Variants in CSGALNACT1 observed in about 807,000 individuals in gnomAD.
The protein encoded by CSGALNACT1 is chondroitin sulfate N-acetylgalactosaminyltransferase 1.
In CSGALNACT1, 52 loss-of-function variants were observed where a neutral mutation model predicts 51.0. The ratio of observed to expected loss-of-function variants is 1.02; its 90% CI spans 0.82 to 1.29. The LOEUF (loss-of-function observed/expected upper bound fraction) is 1.29, where lower values mean the gene tolerates loss of function less well. Among genes scored for constraint, CSGALNACT1 ranks in the 50% most tolerant of loss-of-function variants. The pLI, the probability that CSGALNACT1 is intolerant of heterozygous loss-of-function variation, is 0.00. For missense variants in CSGALNACT1, 935 were observed against 679.2 expected, an observed-to-expected ratio of 1.38 and a Z score of -4.19; for synonymous variants, 341 against 254.4, an observed-to-expected ratio of 1.34 and a Z score of -3.24.
At position 19,501,874 on chromosome 8, in the gene CSGALNACT1, A is replaced by T. The variant is rs541687709; in HGVS notation, c.634+3327T>A. Reference sequence around the variant, plus strand: ...ACAGTGAAGCACAGGATTTGATTCCATCTCTACTCTCACTTCTCTTCCCAG... The same window carrying T: ...ACAGTGAAGCACAGGATTTGATTCCTTCTCTACTCTCACTTCTCTTCCCAG... On this transcript the variant is annotated intron_variant, in intron 4 of 9. Transcript: ENST00000454498. 1.2e-3 allele frequency among the ~76,000 whole-genome samples: 190 copies of T among 152,340 alleles called. 2 individuals are homozygous for T. Among genetic ancestry groups the T allele is most frequent in the South Asian group, 2.1e-3 (10 of 4,828 alleles).
chr8:19,592,244 A>C (rs767769712), intron 2 of CSGALNACT1, among the ~76,000 whole-genome samples: 2 of 152,236 alleles, frequency 1.3e-5, no homozygotes, highest in African/African-American at 4.8e-5. Context: ...AACCCAGTAC[A>C]TTAGGCAAAT....
At chr8:19,723,358 C>T (rs893025626) in intron 1 of CSGALNACT1, among the ~76,000 whole-genome samples, 1 of 152,186 alleles carries the variant, frequency 6.6e-6, no homozygotes, top group Non-Finnish European at 1.5e-5. Flanking sequence ...TCTTGAGGTG[C>T]GGATTCTTAG....
chr8:19,509,192 C>T (rs765782563), intron 3 of CSGALNACT1, among the ~76,000 whole-genome samples: 28 of 152,164 alleles, frequency 1.8e-4, no homozygotes, highest in Admixed American at 2.6e-4. Flanking sequence ...TGTAATCAAA[C>T]GCTTAAAAAC....
At chr8:19,458,301 C>T (rs2064562673) in intron 5 of CSGALNACT1, 125 bp downstream of exon 4, 1 of 887,490 alleles carries the variant, frequency 1.1e-6, no homozygotes, top group African/African-American at 1.6e-5. Flanking sequence ...GTGGAGAAAA[C>T]AGAGCTGAAT....
At chr8:19,606,238 T>TA (rs1488984375), upstream of CSGALNACT1, among the ~76,000 whole-genome samples, 1 of 152,240 alleles carries the variant, frequency 6.6e-6, no homozygotes, top group Non-Finnish European at 1.5e-5. Context: ...TCTTTGTGCA[T>TA]ATGTGGCTAA....
intron 1 of CSGALNACT1, among the ~76,000 whole-genome samples, chr8:19,749,137 T>C (rs370246953): frequency 6.6e-6 from 1 of 152,132 alleles, no homozygotes; most frequent in African/African-American, 2.4e-5. Flanking sequence ...CTCATGATAC[T>C]AATATTCCCA....
intron 4 of CSGALNACT1, among the ~76,000 whole-genome samples, chr8:19,471,139 A>AG (rs1378156962): frequency 5.5e-4 from 84 of 151,798 alleles, no homozygotes; most frequent in Admixed American, 4.8e-3. Flanking sequence ...GGAGAGAGAG[A>AG]GAAAAAAAAA....
rs183645482 is a variant in CSGALNACT1 at position 19,427,437 on chromosome 8, A to G, written c.954-6919T>C. Among the ~76,000 whole-genome samples, 46 of 152,340 alleles carry G rather than the reference A, an allele frequency of 3.0e-4. 1 individual carries two copies. In the East Asian group the frequency reaches 5.4e-3, roughly 18 times the overall value. On this transcript the variant is annotated intron_variant, in intron 6 of 9. Transcript: ENST00000454498. ...CAAACAAATTTGCCGATGCACAGGA[A>G]AATGGTGAGATTCAAACATCTGGCA...
intron 3 of CSGALNACT1, among the ~76,000 whole-genome samples, chr8:19,521,076 G>A (rs1307885489): frequency 6.6e-6 from 1 of 152,128 alleles, no homozygotes; most frequent in Non-Finnish European, 1.5e-5. Context: ...TGTGCGGGGA[G>A]ACATCATAGC....
chr8:19,584,070 C>T (rs1476898333), intron 3 of CSGALNACT1, among the ~76,000 whole-genome samples: 1 of 152,176 alleles, frequency 6.6e-6, no homozygotes, highest in East Asian at 1.9e-4. Context: ...TAAAAATACT[C>T]CAATTAAAGG....
chr8:19,483,744 G>T (rs1487800633), intron 4 of CSGALNACT1, among the ~76,000 whole-genome samples: 1 of 152,186 alleles, frequency 6.6e-6, no homozygotes, highest in Non-Finnish European at 1.5e-5. Flanking sequence ...GGCCAGCTGG[G>T]AAACTCTCAT....
intron 5 of CSGALNACT1, among the ~76,000 whole-genome samples, chr8:19,452,543 G>A (rs1366788800): frequency 6.6e-6 from 1 of 152,108 alleles, no homozygotes; most frequent in African/African-American, 2.4e-5. Context: ...GAGAGCTGAT[G>A]ACATATATGC....
intron 4 of CSGALNACT1, among the ~76,000 whole-genome samples, chr8:19,494,241 C>G (rs950026023): frequency 6.6e-6 from 1 of 152,126 alleles, no homozygotes; most frequent in African/African-American, 2.4e-5. Context: ...GATCAACCAG[C>G]TTGTGCATAC....
intron 1 of CSGALNACT1, among the ~76,000 whole-genome samples, chr8:19,687,664 C>CA (rs1450016857): frequency 1.3e-5 from 2 of 152,218 alleles, no homozygotes; most frequent in Non-Finnish European, 2.9e-5. Context: ...CTTTTAAAGA[C>CA]ATGCAGTTCC....
rs149973638 is a variant in CSGALNACT1 at position 19,405,772 on chromosome 8, C to A, written c.*8G>T. On this transcript the variant is annotated 3_prime_UTR_variant, in exon 10 of 10. Transcript: ENST00000454498. ...AAAAAGTGTCTCCCACAATCCTTCTCTGGGAGTTCATGTTTTTTTGCTACT... is the reference window on the plus strand; with the variant it reads ...AAAAAGTGTCTCCCACAATCCTTCTATGGGAGTTCATGTTTTTTTGCTACT... 10,756 of 1,614,096 alleles carry A rather than the reference C, an allele frequency of 6.7e-3. 48 individuals carry two copies. The highest frequency in any genetic ancestry group is 7.8e-3 in the Non-Finnish European group (9,261 of 1,180,014).
intron 5 of CSGALNACT1, among the ~76,000 whole-genome samples, chr8:19,448,841 A>T (rs1009185376): frequency 1.3e-5 from 2 of 152,246 alleles, no homozygotes; most frequent in Non-Finnish European, 2.9e-5. Context: ...GACATGTAAA[A>T]GACCTGATGT....
At chr8:19,464,190 C>T (rs139786817) in intron 4 of CSGALNACT1, among the ~76,000 whole-genome samples, 1 of 152,198 alleles carries the variant, frequency 6.6e-6, no homozygotes, top group Non-Finnish European at 1.5e-5. Flanking sequence ...CCACATTCAT[C>T]CCTGCCTTCC....
chr8:19,553,959 G>A (rs1448271798), intron 3 of CSGALNACT1, among the ~76,000 whole-genome samples: 1 of 151,068 alleles, frequency 6.6e-6, no homozygotes, highest in African/African-American at 2.4e-5. Flanking sequence ...AGATAAACCT[G>A]AAGATATCTT....
intron 1 of CSGALNACT1, among the ~76,000 whole-genome samples, chr8:19,728,326 A>G (rs1373553624): frequency 6.6e-6 from 1 of 152,236 alleles, no homozygotes; most frequent in Non-Finnish European, 1.5e-5. Flanking sequence ...GGAAAAAATT[A>G]ACACATCTAC....
Sources: allele counts gnomAD v4.1 joint callset (sites outside exome capture counted in the v4.1 genomes callset), GRCh38; gene constraint gnomAD v4.1.1; transcripts MANE v1.5; gene names NCBI Gene and HGNC (gene_info 2026-07-23, HGNC 2026-07-21).